The following MYO1C variants were observed in gnomAD, a reference collection of about 807,000 sequenced individuals.
MYO1C encodes the protein myosin IC, also known as unconventional myosin-Ic.
MYO1C carries 104 observed loss-of-function variants against 150.8 expected under a neutral mutation model. The ratio of observed to expected loss-of-function variants is 0.69; its 90% CI spans 0.59 to 0.81. The LOEUF (loss-of-function observed/expected upper bound fraction) is 0.81, where lower values mean the gene tolerates loss of function less well. Ranked by LOEUF, MYO1C falls within the 30% of genes least tolerant of loss-of-function variation. The probability of loss-of-function intolerance (pLI) is 0.00; values close to 1 mark genes in which losing one functional copy is unlikely to be tolerated. For synonymous variants in MYO1C, 663 were observed against 579.9 expected (o/e 1.14, Z -2.06); for missense variants, 1,504 against 1,435.0 (o/e 1.05, Z -0.78).
rs904277091 is a variant in MYO1C, at chr17:1,479,023, CTTT to C, written c.1093-291_1093-289del. 6.6e-6 allele frequency among the ~76,000 whole-genome samples: 1 copy of C among 152,002 alleles called. No individual in the cohort carries two copies. The highest frequency in any genetic ancestry group is 1.5e-5 in the Non-Finnish European group (1 of 67,982). ...CCCTGGCCAGCTCACTGTGCTGCTT[CTTT>C]TTTTTGAGACAGAGTCTAGCTCTGT... On this transcript the variant is annotated intron_variant, in intron 9 of 31. Coordinates refer to ENST00000648651, the MANE Select transcript of MYO1C (RefSeq NM_001080779.2). This position sits in a 1 kb window ranked among gnomAD's most constrained non-coding sequence, Gnocchi z 4.2.
At chr17:1,472,971 C>T (rs1220419519) in intron 17 of MYO1C, among the ~76,000 whole-genome samples, 4 of 152,220 alleles carry the variant, frequency 2.6e-5, no homozygotes, top group East Asian at 1.9e-4. Flanking sequence ...GAGGCCGAGG[C>T]GGGCGGATCA....
intron 14 of MYO1C, 88 bp downstream of exon 14, chr17:1,477,417 T>C (rs879195021): frequency 6.8e-6 from 8 of 1,171,092 alleles, no homozygotes; most frequent in Non-Finnish European, 1.0e-5. Context: ...TTGTGGCTGG[T>C]GTTTTGTGAT....
At chr17:1,472,414 T>TGA in intron 17 of MYO1C, 186 bp from the exon 18 acceptor site, 1 of 603,794 alleles carries the variant, frequency 1.7e-6, no homozygotes, top group South Asian at 2.0e-5. Flanking sequence ...CTTACCCCTC[T>TGA]GGCTGGGCGA....
chr17:1,473,080 A>G lies in MYO1C; in HGVS notation c.1798-852T>C, dbSNP rs957310377. Among the ~76,000 whole-genome samples the G allele has an allele frequency of 5.9e-5, 9 of 152,292 alleles. 1 individual carries two copies. The South Asian group carries it at 1.9e-3, about 32-fold the overall frequency. Reference sequence around the variant, plus strand: ...CCGGGCACGATGGCGGGTACCTGTAATCCCAGCTACTCGTGAGTGTGAAGT... The same window carrying G: ...CCGGGCACGATGGCGGGTACCTGTAGTCCCAGCTACTCGTGAGTGTGAAGT... On this transcript the variant is annotated intron_variant, in intron 17 of 31. Transcript: ENST00000648651.
At chr17:1,487,250 G>A (rs1214397278) in intron 1 of MYO1C, among the ~76,000 whole-genome samples, 1 of 152,232 alleles carries the variant, frequency 6.6e-6, no homozygotes, top group African/African-American at 2.4e-5. Flanking sequence ...CAGGCCGTGG[G>A]CCACGCTTCC....
intron 25 of MYO1C, 89 bp from the exon 26 acceptor site, chr17:1,468,585 C>T (rs1225982430): frequency 2.1e-5 from 22 of 1,042,102 alleles, no homozygotes; most frequent in Non-Finnish European, 3.1e-5. Flanking sequence ...GAGACAGCCT[C>T]CCTCACCCGC....
rs2074476289 is a variant in MYO1C, at chr17:1,479,706, C to T, written c.907-1G>A. 6.2e-7 allele frequency: 1 copy of T among 1,608,664 alleles called. No individual in the cohort carries two copies. Among genetic ancestry groups the T allele is most frequent in the Non-Finnish European group, 8.5e-7 (1 of 1,177,912 alleles). On this transcript the variant is annotated splice_acceptor_variant, in intron 7 of 31. Transcript: ENST00000648651. LOFTEE classifies it high-confidence loss of function. The surrounding 1 kb of genome is among the most constrained non-coding windows in gnomAD (Gnocchi z 4.2). ...CGCTGGCCACGATGCTCAGCAGGTC[C>T]TGGGGGAGCAGGCCGGGGGCAGGAG... is the stretch of plus-strand genomic sequence containing the variant.
intron 1 of MYO1C, among the ~76,000 whole-genome samples, chr17:1,487,917 T>C (rs1395474720): frequency 3.3e-5 from 5 of 152,050 alleles, no homozygotes; most frequent in Non-Finnish European, 7.4e-5. Context: ...CGAAGCTCCG[T>C]CTCCAAACAA....
chr17:1,483,311 C>T (rs927296599), intron 3 of MYO1C, among the ~76,000 whole-genome samples: 3 of 150,930 alleles, frequency 2.0e-5, no homozygotes, highest in African/African-American at 7.3e-5. Flanking sequence ...AGGCTGGAGT[C>T]ACTCACGGGT....
In MYO1C at chr17:1,469,417, C is replaced by A. The variant is rs45456097; in HGVS notation, c.2610+114G>T. 9,250 of 1,028,942 alleles carry A rather than the reference C, an allele frequency of 9.0e-3. 84 individuals are homozygous for A. Among genetic ancestry groups the A allele is most frequent in the Middle Eastern group, 0.041 (152 of 3,752 alleles). 63.7% of individuals were successfully genotyped at this position (1,028,942 alleles called of 1,614,324 possible). A position where few individuals can be genotyped will look rare whatever the true frequency, so the allele number is the denominator to read the frequency against. ...GTAGATCGGGGTAAATACGGTAGAA[C>A]GCGGTAAATACGGTAGACCGGGGTA... is the stretch of plus-strand genomic sequence containing the variant. On this transcript the variant is annotated intron_variant, in intron 25 of 31. Coordinates refer to ENST00000648651, the MANE Select transcript of MYO1C (RefSeq NM_001080779.2).
chr17:1,482,484 G>A lies in MYO1C; in HGVS notation c.621C>T (p.Asp207=), dbSNP rs1354096416. ...RFGKYMDVQF[D]FKGAPVGGHI... Reference sequence around the variant, plus strand: ...ACACACACATCCATGGTACCTTGAAGTCAAACTGCACATCCATGTACTTCC... The same window carrying A: ...ACACACACATCCATGGTACCTTGAAATCAAACTGCACATCCATGTACTTCC... The change falls in exon 5 of 32, where the codon GAC becomes GAT. Residue 207 remains aspartate (D), a synonymous_variant. Coordinates refer to ENST00000648651, the MANE Select transcript of MYO1C (RefSeq NM_001080779.2). The A allele has an allele frequency of 3.1e-6, 5 of 1,613,830 alleles. No homozygotes were observed. The Admixed American group carries it at 5.0e-5, about 16-fold the overall frequency.
chr17:1,481,183 TGTTA>T lies in MYO1C; in HGVS notation c.628-302_628-299del, dbSNP rs1598340888. ...CCTTCTCCCTCTTCAAACAAGCTCCTGTTAGTGTCTGCCCTCCTTGGTCAGTGGT... is the reference window on the plus strand; with the variant it reads ...CCTTCTCCCTCTTCAAACAAGCTCCTGTGTCTGCCCTCCTTGGTCAGTGGT... On this transcript the variant is annotated intron_variant, in intron 5 of 31. Transcript: ENST00000648651. The T allele has an allele frequency of 1.6e-5, 7 of 433,398 alleles. No individual in the cohort carries two copies. The East Asian group carries it at 3.4e-4, about 21-fold the overall frequency. 26.8% of individuals were successfully genotyped at this position (433,398 alleles called of 1,614,324 possible). A position where few individuals can be genotyped will look rare whatever the true frequency, so the allele number is the denominator to read the frequency against.
rs930307072 is a variant in MYO1C, at chr17:1,478,222, C to T, written c.1296-30G>A. The T allele has an allele frequency of 6.2e-7, 1 of 1,606,082 alleles. No homozygotes were observed. The highest frequency in any genetic ancestry group is 2.2e-5 in the East Asian group (1 of 44,836). On this transcript the variant is annotated intron_variant, in intron 11 of 31. Coordinates refer to ENST00000648651, the MANE Select transcript of MYO1C (RefSeq NM_001080779.2). This position sits in a 1 kb window ranked among gnomAD's most constrained non-coding sequence, Gnocchi z 6.3. ...AAGGAAGGAGAAGAGCCCACAGTGG[C>T]TCAGTGGGGACACAGGACCAGGAGA...
rs746067693 is a variant in MYO1C, at chr17:1,470,482, G to A, written c.2319C>T (p.Gly773=). The A allele has an allele frequency of 1.9e-6, 3 of 1,551,184 alleles. No individual in the cohort carries two copies. Among genetic ancestry groups the A allele is most frequent in the Non-Finnish European group, 2.6e-6 (3 of 1,147,258 alleles). ...ACTTCCTCTTGGCTGCCTTCCTCCG[G>A]CCCAGTGTTCCACGCCACCACGACT... ...CIQSWWRGTL[G]RRKAAKRKWA... Residue 773 remains glycine, a synonymous_variant, in exon 23 of 32, where the codon GGC becomes GGT. Coordinates refer to ENST00000648651, the MANE Select transcript of MYO1C (RefSeq NM_001080779.2).
Position 1,471,923 on chromosome 17 carries a change from C to T in MYO1C, c.2005G>A (p.Glu669Lys), listed in dbSNP as rs926209230. The change falls in exon 19 of 32, where the codon GAA becomes AAA. Residue 669 changes from glutamate (E) to lysine (K), a missense_variant. Transcript: ENST00000648651. ...RAGFAYRRKY[E>K]AFLQRYKSLC... ...TGCCCCCACCTTTGCAGGAAAGCTT[C>T]GTATTTGCGGCGATAGGCAAAGCCG... 7 of 1,614,116 alleles carry T rather than the reference C, an allele frequency of 4.3e-6. No homozygotes were observed. Among genetic ancestry groups the T allele is most frequent in the Non-Finnish European group, 5.9e-6 (7 of 1,180,022 alleles).
intron 25 of MYO1C, 183 bp downstream of exon 25, chr17:1,469,348 A>T (rs981321016): frequency 6.2e-6 from 4 of 646,160 alleles, no homozygotes; most frequent in Non-Finnish European, 1.1e-5. Flanking sequence ...AGGCGGGGTA[A>T]ATACGGTAGA....
rs751264944 is a variant in MYO1C, at chr17:1,479,474, C to T, written c.1049G>A (p.Arg350Gln). The change falls in exon 9 of 32, where the codon CGA becomes CAA. Residue 350 changes from arginine (R) to glutamine (Q), a missense_variant. By Grantham distance (43) the Arg-to-Gln change is conservative. Coordinates refer to ENST00000648651, the MANE Select transcript of MYO1C (RefSeq NM_001080779.2). The surrounding 1 kb of genome is among the most constrained non-coding windows in gnomAD (Gnocchi z 4.2). ...GATCTTCCTGTGTGTCAGGGCTTCT[C>T]GCAGCGTCGAGCCTTCCACGCTGAG... Reference protein sequence around the residue: ...RLLSVEGSTLREALTHRKIIA... With the variant: ...RLLSVEGSTLQEALTHRKIIA... 23 of 1,521,308 alleles carry T rather than the reference C, an allele frequency of 1.5e-5. No individual in the cohort carries two copies. The highest frequency in any genetic ancestry group is 2.1e-4 in the Middle Eastern group (1 of 4,708). 94.2% of individuals were successfully genotyped at this position (1,521,308 alleles called of 1,614,324 possible).
chr17:1,482,364 T>C, intron 5 of MYO1C, 114 bp downstream of exon 5: 1 of 991,214 alleles, frequency 1.0e-6, no homozygotes, highest in Non-Finnish European at 1.6e-6. Flanking sequence ...TTTTGTTTGC[T>C]TTGTTTGACT....
intron 1 of MYO1C, among the ~76,000 whole-genome samples, chr17:1,489,657 G>A (rs1295970669): frequency 6.6e-6 from 1 of 152,184 alleles, no homozygotes; most frequent in Non-Finnish European, 1.5e-5. Context: ...TCCAGCCTGG[G>A]TACCCCAGAA....
Sources: gnomAD v4.1 joint callset for allele counts (sites outside exome capture counted in the v4.1 genomes callset) on GRCh38, gnomAD v4.1.1 for gene constraint, Gnocchi (gnomAD v3.1) non-coding constraint, MANE v1.5 for transcripts, NCBI Gene and HGNC (gene_info 2026-07-23, HGNC 2026-07-21) for gene names.